The following ZNF362 variants were observed in gnomAD, a reference collection of about 807,000 sequenced individuals.
The protein encoded by ZNF362 is zinc finger protein 362.
A neutral mutation model predicts 42.9 loss-of-function variants in ZNF362; 11 were observed. The observed-to-expected ratio is 0.26, with a 90% CI of 0.16 to 0.42. The LOEUF is 0.42. Ranked by LOEUF, ZNF362 falls within the 20% of genes least tolerant of loss-of-function variation. The probability of loss-of-function intolerance (pLI) is 1.00; values close to 1 mark genes in which losing one functional copy is unlikely to be tolerated. For missense variants in ZNF362, 362 were observed against 576.2 expected (o/e 0.63, Z 3.81); for synonymous variants, 255 against 257.3 (o/e 0.99, Z 0.09).
the ZNF362 span, among the ~76,000 whole-genome samples, chr1:33,217,341 T>G: frequency 1.3e-5 from 2 of 152,194 alleles, no homozygotes; most frequent in Non-Finnish European, 2.9e-5. Context: ...CTGTGTAACC[T>G]TGGCCAATTC....
intron 1 of ZNF362, among the ~76,000 whole-genome samples, chr1:33,264,528 A>G (rs1645852798): frequency 6.6e-6 from 1 of 152,196 alleles, no homozygotes; most frequent in South Asian, 2.1e-4. Context: ...CAGTTTACAG[A>G]TGAGAAAATT....
chr1:33,226,778 T>C, the ZNF362 span, among the ~76,000 whole-genome samples: 1 of 152,182 alleles, frequency 6.6e-6, no homozygotes, highest in Non-Finnish European at 1.5e-5. Flanking sequence ...GGCATGAGAA[T>C]CGCTTGAACC....
At chr1:33,254,074 T>C (rs1311662210), upstream of ZNF362, among the ~76,000 whole-genome samples, 1 of 151,838 alleles carries the variant, frequency 6.6e-6, no homozygotes. Flanking sequence ...ATAACTAAAT[T>C]CCATAGTTTA....
upstream of ZNF362, among the ~76,000 whole-genome samples, chr1:33,255,973 G>T (rs971307187): frequency 3.3e-5 from 5 of 151,686 alleles, no homozygotes; most frequent in Non-Finnish European, 5.9e-5. Flanking sequence ...TGGCGAGGCG[G>T]CCGCCGGGCC....
chr1:33,232,883 T>A, the ZNF362 span, among the ~76,000 whole-genome samples: 1 of 152,226 alleles, frequency 6.6e-6, no homozygotes, highest in Non-Finnish European at 1.5e-5. Flanking sequence ...ATTTCAGTGG[T>A]GCAGAGGTGG....
chr1:33,271,103 G>A (rs1351875501), intron 2 of ZNF362, among the ~76,000 whole-genome samples: 2 of 152,158 alleles, frequency 1.3e-5, no homozygotes, highest in Admixed American at 1.3e-4. Context: ...TCTACATTGG[G>A]CACTCAGAGG....
At chr1:33,136,403 C>A in the ZNF362 span, among the ~76,000 whole-genome samples, 25 of 151,274 alleles carry the variant, frequency 1.7e-4, no homozygotes, top group African/African-American at 6.1e-4. Context: ...TAGTGCCTCG[C>A]CATCACCCAG....
In ZNF362 at chr1:33,291,985, T is replaced by C. The variant is rs527663030; in HGVS notation, c.909-2952T>C. Among the ~76,000 whole-genome samples, 306 of 152,262 alleles carry C rather than the reference T, an allele frequency of 2.0e-3. 2 individuals carry two copies. The highest frequency in any genetic ancestry group is 6.9e-3 in the African/African-American group (287 of 41,572). On this transcript the variant is annotated intron_variant, in intron 6 of 8. Transcript: ENST00000539719. ...ATTTTGGGCTGAGACGATGGGGTTT[T>C]CTAGATATACAGTCATGTCATCTGC...
At chr1:33,284,774 G>A (rs183189283) in intron 6 of ZNF362, among the ~76,000 whole-genome samples, 2 of 152,248 alleles carry the variant, frequency 1.3e-5, no homozygotes, top group East Asian at 3.9e-4. Context: ...AGAACATTAA[G>A]GGTGAAATCA....
chr1:33,298,732 A>G (rs1570416573), intron 8 of ZNF362, among the ~76,000 whole-genome samples, 198 bp from the exon 9 acceptor site: 2 of 152,320 alleles, frequency 1.3e-5, no homozygotes, highest in Non-Finnish European at 2.9e-5. Flanking sequence ...TGAGCTCTCC[A>G]GCCAGCACTC....
chr1:33,253,242 G>C (rs1012041483), upstream of ZNF362, among the ~76,000 whole-genome samples: 3 of 145,936 alleles, frequency 2.1e-5, no homozygotes, highest in Non-Finnish European at 4.5e-5. Context: ...GATTTGGGGG[G>C]AAAGGGGGAT....
the ZNF362 span, chr1:33,180,976 C>G: frequency 9.1e-7 from 1 of 1,101,880 alleles, no homozygotes. Context: ...CGCCCGGCCC[C>G]ACCTCCAGCC....
the ZNF362 span, among the ~76,000 whole-genome samples, chr1:33,186,950 G>A: frequency 1.3e-5 from 2 of 151,118 alleles, no homozygotes; most frequent in Admixed American, 1.3e-4. Context: ...AGTTTATTTG[G>A]GGAGCATAAG....
chr1:33,237,455 C>T, the ZNF362 span, among the ~76,000 whole-genome samples: 1 of 152,202 alleles, frequency 6.6e-6, no homozygotes, highest in Non-Finnish European at 1.5e-5. Context: ...CTTCTCCTCA[C>T]AGTTGCAGCC....
At chr1:33,175,117 G>A in the ZNF362 span, among the ~76,000 whole-genome samples, 1 of 151,532 alleles carries the variant, frequency 6.6e-6, no homozygotes, top group Non-Finnish European at 1.5e-5. Flanking sequence ...TCAGCTCACT[G>A]CAACCTCTGC....
At chr1:33,233,234 C>T in the ZNF362 span, among the ~76,000 whole-genome samples, 1 of 152,216 alleles carries the variant, frequency 6.6e-6, no homozygotes, top group Non-Finnish European at 1.5e-5. Flanking sequence ...CTCCTTCTGC[C>T]TAAGATAGTC....
At chr1:33,200,344 A>G in the ZNF362 span, 4 of 152,276 alleles carry the variant, frequency 2.6e-5, no homozygotes, top group African/African-American at 9.6e-5. Flanking sequence ...AAAAAGAAAG[A>G]GAAGAAAAAA....
At chr1:33,153,982 T>A in the ZNF362 span, among the ~76,000 whole-genome samples, 8 of 152,200 alleles carry the variant, frequency 5.3e-5, no homozygotes, top group Non-Finnish European at 1.0e-4. Flanking sequence ...CCAGGTTGCC[T>A]TGAGAAATCC....
chr1:33,204,120 T>C, the ZNF362 span, among the ~76,000 whole-genome samples: 1 of 152,180 alleles, frequency 6.6e-6, no homozygotes, highest in South Asian at 2.1e-4. Context: ...TATATTTAGG[T>C]CCTTTGTCCA....
Sources: allele counts gnomAD v4.1 joint callset (sites outside exome capture counted in the v4.1 genomes callset), GRCh38; gene constraint gnomAD v4.1.1; transcripts MANE v1.5; gene names NCBI Gene and HGNC (gene_info 2026-07-23, HGNC 2026-07-21).